Variants in FRMD4A observed in about 807,000 individuals in gnomAD.
The protein encoded by FRMD4A is FERM domain-containing protein 4A.
A neutral mutation model predicts 129.1 loss-of-function variants in FRMD4A; 29 were observed. The ratio of observed to expected loss-of-function variants is 0.22; its 90% CI spans 0.17 to 0.31. The LOEUF (loss-of-function observed/expected upper bound fraction) is 0.31. FRMD4A is among the 10% of genes least tolerant of loss of function. FRMD4A has a pLI of 1.00. For synonymous variants in FRMD4A, 634 were observed against 571.6 expected (o/e 1.11, Z -1.56); for missense variants, 1,272 against 1,375.8 (o/e 0.92, Z 1.19).
intron 2 of FRMD4A, among the ~76,000 whole-genome samples, chr10:14,167,021 T>A (rs1016923694): frequency 2.6e-5 from 4 of 152,184 alleles, no homozygotes; most frequent in Admixed American, 6.5e-5. Context: ...CCCTGGTGTC[T>A]GACACATCAA....
At position 13,758,112 on chromosome 10, in the gene FRMD4A, A is replaced by G. The variant is rs557230588; in HGVS notation, c.464+3535T>C. ...CTCAAGGAAACTGCTCCCATAATTT[A>G]TGAATTAATACTCATTCCACATAAA... is the stretch of plus-strand genomic sequence containing the variant. On this transcript the variant is annotated intron_variant, in intron 8 of 24. Coordinates refer to ENST00000357447, the MANE Select transcript of FRMD4A (RefSeq NM_018027.5). Among the ~76,000 whole-genome samples, 3 of 152,350 alleles carry G rather than the reference A, an allele frequency of 2.0e-5. No individual in the cohort carries two copies. In the East Asian group the frequency reaches 5.8e-4, roughly 29 times the overall value.
At position 14,183,159 on chromosome 10, in the gene FRMD4A, A is replaced by T. The variant is rs572960007; in HGVS notation, c.45+146899T>A. ...TGCTGATAAGTGATCTCCAGATTAT[A>T]TGGTCTTAGACTCGATTTTTCTTAA... On this transcript the variant is annotated intron_variant, in intron 2 of 24. Transcript: ENST00000357447. Among the ~76,000 whole-genome samples the T allele has an allele frequency of 5.9e-5, 9 of 152,330 alleles. No homozygotes were observed. In the East Asian group the frequency reaches 1.7e-3, roughly 29 times the overall value.
chr10:14,117,531 T>C (rs950007781), intron 2 of FRMD4A, among the ~76,000 whole-genome samples: 4 of 152,174 alleles, frequency 2.6e-5, no homozygotes, highest in African/African-American at 9.6e-5. Context: ...GCAGCCTGCT[T>C]CATTGAGCTC....
intron 2 of FRMD4A, among the ~76,000 whole-genome samples, chr10:14,045,109 C>T (rs1450797231): frequency 6.6e-6 from 1 of 152,086 alleles, no homozygotes; most frequent in Non-Finnish European, 1.5e-5. Context: ...ATCTATGTTG[C>T]CCTGGCTGGT....
intron 5 of FRMD4A, among the ~76,000 whole-genome samples, chr10:13,795,403 C>T (rs558780662): frequency 6.6e-6 from 1 of 152,310 alleles, no homozygotes; most frequent in East Asian, 1.9e-4. Context: ...TTTACTCTGC[C>T]AGCTGAGGAA....
chr10:13,690,444 G>A (rs1375261452), intron 15 of FRMD4A, among the ~76,000 whole-genome samples: 5 of 152,240 alleles, frequency 3.3e-5, no homozygotes, highest in Non-Finnish European at 7.3e-5. Flanking sequence ...ATCTAGGGGT[G>A]CTAGAAATTC....
chr10:13,963,766 G>A (rs1249048540), intron 2 of FRMD4A, among the ~76,000 whole-genome samples: 2 of 152,152 alleles, frequency 1.3e-5, no homozygotes, highest in Non-Finnish European at 2.9e-5. Flanking sequence ...TTATATATTA[G>A]CTCACATGTT....
chr10:14,211,518 C>T (rs118124049), intron 2 of FRMD4A, among the ~76,000 whole-genome samples: 362 of 152,292 alleles, frequency 2.4e-3, no homozygotes, highest in Non-Finnish European at 3.5e-3. Flanking sequence ...GGAATCAAAC[C>T]GTATCATGCG....
rs1358865089 is a variant in FRMD4A, at chr10:13,890,813, G to C, written c.46-31901C>G. 8.1e-6 allele frequency: 8 copies of C among 985,114 alleles called. No homozygotes were observed. In the African/African-American group the frequency reaches 1.0e-4, roughly 13 times the overall value. 61.0% of individuals were successfully genotyped at this position (985,114 alleles called of 1,614,324 possible). ...CCCGGGGGGCTGGCATGGCTGCATCGTTCAGAATGAGGATGTCTATTAAGA... is the reference window on the plus strand; with the variant it reads ...CCCGGGGGGCTGGCATGGCTGCATCCTTCAGAATGAGGATGTCTATTAAGA... On this transcript the variant is annotated intron_variant, in intron 2 of 24. Transcript: ENST00000357447.
At chr10:14,274,992 C>G (rs2132051787) in intron 2 of FRMD4A, among the ~76,000 whole-genome samples, 2 of 152,324 alleles carry the variant, frequency 1.3e-5, no homozygotes, top group Admixed American at 1.3e-4. Flanking sequence ...CTGTCTCTCC[C>G]ACAAGGTGTG....
intron 2 of FRMD4A, among the ~76,000 whole-genome samples, chr10:14,219,961 T>C (rs1207336049): frequency 6.6e-6 from 1 of 152,174 alleles, no homozygotes; most frequent in East Asian, 1.9e-4. Context: ...TGGAGATTTC[T>C]AGAATGTATG....
chr10:13,944,618 C>T (rs2095318395), intron 2 of FRMD4A, among the ~76,000 whole-genome samples: 2 of 152,096 alleles, frequency 1.3e-5, no homozygotes, highest in African/African-American at 4.8e-5. Context: ...GACCATACAC[C>T]CTTCAACAGA....
At chr10:14,056,064 C>T (rs1216599080) in intron 2 of FRMD4A, among the ~76,000 whole-genome samples, 2 of 152,160 alleles carry the variant, frequency 1.3e-5, no homozygotes, top group Non-Finnish European at 2.9e-5. Context: ...TGTAGTCTCA[C>T]TCTGTCGCCC....
chr10:13,761,010 C>T (rs554466644), intron 8 of FRMD4A, among the ~76,000 whole-genome samples: 31 of 152,000 alleles, frequency 2.0e-4, no homozygotes, highest in Non-Finnish European at 4.4e-4. Flanking sequence ...GATTTCAGGG[C>T]GATTTCAGGG....
chr10:13,793,508 C>T (rs146025950), intron 5 of FRMD4A, among the ~76,000 whole-genome samples: 2 of 152,210 alleles, frequency 1.3e-5, no homozygotes, highest in African/African-American at 4.8e-5. Flanking sequence ...GCTTTGCCAA[C>T]GAAGGCTACC....
chr10:14,286,136 C>G (rs1309195995), intron 2 of FRMD4A, among the ~76,000 whole-genome samples: 1 of 152,210 alleles, frequency 6.6e-6, no homozygotes, highest in Non-Finnish European at 1.5e-5. Context: ...ATTCTCTCAT[C>G]TAAGCTCCTG....
chr10:13,686,626 C>A (rs2085111320), intron 15 of FRMD4A, among the ~76,000 whole-genome samples: 1 of 152,180 alleles, frequency 6.6e-6, no homozygotes, highest in African/African-American at 2.4e-5. Context: ...AGTTTTGTTT[C>A]ATTTCTCGTT....
chr10:14,023,003 C>T (rs74557167), intron 2 of FRMD4A, among the ~76,000 whole-genome samples: 21 of 152,282 alleles, frequency 1.4e-4, no homozygotes, highest in African/African-American at 4.8e-4. Context: ...CCAAGAGTGA[C>T]TCCACAGCCA....
At chr10:14,229,047 C>T (rs1442245083) in intron 2 of FRMD4A, among the ~76,000 whole-genome samples, 1 of 151,978 alleles carries the variant, frequency 6.6e-6, no homozygotes, top group Non-Finnish European at 1.5e-5. Context: ...TATCTTTGCT[C>T]CCCTTCAGCA....
Sources: gnomAD v4.1 joint callset for allele counts (sites outside exome capture counted in the v4.1 genomes callset) on GRCh38, gnomAD v4.1.1 for gene constraint, MANE v1.5 for transcripts, NCBI Gene and HGNC (gene_info 2026-07-23, HGNC 2026-07-21) for gene names.